Variants in ATP9A observed in about 807,000 individuals in gnomAD.
ATP9A encodes the protein ATPase phospholipid transporting 9A, also known as probable phospholipid-transporting ATPase IIA.
Under a neutral mutation model 144.1 loss-of-function variants are expected in ATP9A, and 52 were observed. The observed-to-expected ratio is 0.36, with a 90% CI of 0.29 to 0.45. ATP9A has a LOEUF of 0.45. ATP9A is among the 20% of genes least tolerant of loss of function. The pLI, the probability that ATP9A is intolerant of heterozygous loss-of-function variation, is 1.00. For missense variants in ATP9A, 947 were observed against 1,392.7 expected, an observed-to-expected ratio of 0.68 and a Z score of 5.09; for synonymous variants, 582 against 557.4, an observed-to-expected ratio of 1.04 and a Z score of -0.62.
At chr20:51,730,265 G>C (rs543665713) in intron 1 of ATP9A, among the ~76,000 whole-genome samples, 1 of 152,066 alleles carries the variant, frequency 6.6e-6, no homozygotes, top group Admixed American at 6.6e-5. Flanking sequence ...TCAAGAGATC[G>C]AGACCATCCT....
Position 51,639,506 on chromosome 20 carries a change from TA to T in ATP9A, c.1507-3del. ...TTCCGTCCACTGTACCAGGGCCACCTAAACATAACACAGGGTCGAAGGTCAG... is the reference window on the plus strand; with the variant it reads ...TTCCGTCCACTGTACCAGGGCCACCTAACATAACACAGGGTCGAAGGTCAG... On this transcript the variant is annotated splice_polypyrimidine_tract_variant and splice_region_variant and intron_variant, in intron 14 of 27. Transcript: ENST00000338821. 6.2e-7 allele frequency: 1 copy of T among 1,607,228 alleles called. No homozygotes were observed. The highest frequency in any genetic ancestry group is 8.5e-7 in the Non-Finnish European group (1 of 1,177,446).
chr20:51,713,055 G>C lies in ATP9A; in HGVS notation c.347C>G (p.Thr116Ser), dbSNP rs746197482. 26 of 1,611,800 alleles carry C rather than the reference G, an allele frequency of 1.6e-5. No individual in the cohort carries two copies. Among genetic ancestry groups the C allele is most frequent in the Non-Finnish European group, 2.2e-5 (26 of 1,179,154 alleles). Reference protein sequence around the residue: ...WVPLGFVLAVTVIREAVEEIR... With the variant: ...WVPLGFVLAVSVIREAVEEIR... The stretch of plus-strand genomic sequence containing the variant: ...CTCCTCCACCGCCTCACGGATGACA[G>C]TGACGGCCAGCACGAAGCCCTGCAG... Residue 116 changes from threonine to serine, a missense_variant, in exon 4 of 28, where the codon ACT becomes AGT. Transcript: ENST00000338821.
rs918590321 is a variant in ATP9A at position 51,699,265 on chromosome 20, G to A, written c.437-1783C>T. 6.7e-5 allele frequency among the ~76,000 whole-genome samples: 10 copies of A among 150,356 alleles called. No individual in the cohort carries two copies. In the East Asian group the frequency reaches 1.2e-3, roughly 18 times the overall value. On this transcript the variant is annotated intron_variant, in intron 4 of 27. Coordinates refer to ENST00000338821, the MANE Select transcript of ATP9A (RefSeq NM_006045.3). The stretch of plus-strand genomic sequence containing the variant: ...GGAGAATCGCTTGAACCCGGGAGGT[G>A]GAGGTTGCAGTGAGCCAAGATCTCA...
chr20:51,738,029 ATT>A (rs11321391), intron 1 of ATP9A, among the ~76,000 whole-genome samples: 58 of 137,750 alleles, frequency 4.2e-4, no homozygotes, highest in Non-Finnish European at 4.9e-4. Context: ...CCTCTAAAAC[ATT>A]TTTTTTTTTT....
At chr20:51,723,666 C>T (rs953649211) in intron 3 of ATP9A, among the ~76,000 whole-genome samples, 5 of 150,238 alleles carry the variant, frequency 3.3e-5, no homozygotes, top group African/African-American at 1.2e-4. Flanking sequence ...AAGCGATTCT[C>T]CTGCCTCAGT....
chr20:51,703,703 C>T (rs1323491066), intron 4 of ATP9A, among the ~76,000 whole-genome samples: 2 of 152,142 alleles, frequency 1.3e-5, no homozygotes, highest in African/African-American at 2.4e-5. Context: ...TGAGTCGAAA[C>T]AAGCAAATGA....
At chr20:51,685,863 T>C (rs2077520887) in intron 9 of ATP9A, among the ~76,000 whole-genome samples, 2 of 152,342 alleles carry the variant, frequency 1.3e-5, no homozygotes, top group South Asian at 4.1e-4. Flanking sequence ...ATCCCATTAC[T>C]GGGTATATAC....
chr20:51,715,582 T>A (rs770585943), intron 3 of ATP9A, among the ~76,000 whole-genome samples: 14 of 152,144 alleles, frequency 9.2e-5, no homozygotes, highest in Non-Finnish European at 7.4e-5. Context: ...CTCACTAACC[T>A]CCCTGCTGCA....
At chr20:51,704,408 G>T (rs1313837154) in intron 4 of ATP9A, among the ~76,000 whole-genome samples, 1 of 151,732 alleles carries the variant, frequency 6.6e-6, no homozygotes, top group Non-Finnish European at 1.5e-5. Flanking sequence ...TTAAACAATA[G>T]ATCAGTTCAC....
At chr20:51,669,368 T>G (rs1362480955) in intron 13 of ATP9A, among the ~76,000 whole-genome samples, 1 of 152,240 alleles carries the variant, frequency 6.6e-6, no homozygotes, top group Non-Finnish European at 1.5e-5. Context: ...TGACTGGTTT[T>G]GGGAAACTTG....
chr20:51,701,408 A>G (rs2077592740), intron 4 of ATP9A, among the ~76,000 whole-genome samples: 1 of 152,224 alleles, frequency 6.6e-6, no homozygotes, highest in South Asian at 2.1e-4. Context: ...GAAAAAAATA[A>G]TAATTAAAAT....
At chr20:51,756,714 T>A (rs576167244) in intron 1 of ATP9A, among the ~76,000 whole-genome samples, 17 of 152,300 alleles carry the variant, frequency 1.1e-4, no homozygotes, top group Non-Finnish European at 2.2e-4. Flanking sequence ...TGCAGTCACA[T>A]TCTGAGGTGC....
At chr20:51,676,101 C>T (rs369607315) in intron 10 of ATP9A, 31 bp downstream of exon 10, 24 of 1,567,122 alleles carry the variant, frequency 1.5e-5, no homozygotes, top group African/African-American at 1.2e-4. Flanking sequence ...AGCCCACAGC[C>T]GGTCAATGTA....
intron 4 of ATP9A, among the ~76,000 whole-genome samples, chr20:51,712,234 G>A (rs4809864): frequency 0.22 from 33,766 of 151,796 alleles, 4,368 homozygotes; most frequent in East Asian, 0.45. Flanking sequence ...CACCATGCCC[G>A]GCTAATTTTT....
At chr20:51,654,998 AT>A in intron 14 of ATP9A, among the ~76,000 whole-genome samples, 1 of 152,212 alleles carries the variant, frequency 6.6e-6, no homozygotes, top group East Asian at 1.9e-4. Flanking sequence ...TATCTCTTGA[AT>A]TCATAAACCC....
chr20:51,608,678 T>C (rs951130820), intron 24 of ATP9A, 52 bp from the exon 25 acceptor site: 8 of 1,180,262 alleles, frequency 6.8e-6, no homozygotes, highest in Admixed American at 5.1e-5. Context: ...ATAGGAGCTA[T>C]GTGCTGTGCC....
chr20:51,718,743 A>G (rs1430246967), intron 3 of ATP9A, among the ~76,000 whole-genome samples: 1 of 143,532 alleles, frequency 7.0e-6, no homozygotes, highest in Admixed American at 7.3e-5. Flanking sequence ...TGAGCCTGGG[A>G]AGCGGAGGTT....
At chr20:51,657,247 T>C in intron 13 of ATP9A, 97 bp from the exon 14 acceptor site, 2 of 984,636 alleles carry the variant, frequency 2.0e-6, no homozygotes, top group South Asian at 1.5e-5. Flanking sequence ...TTTTTTCTAC[T>C]GTTCCAACAC....
At chr20:51,665,672 CAAGA>C in intron 13 of ATP9A, among the ~76,000 whole-genome samples, 1 of 149,184 alleles carries the variant, frequency 6.7e-6, no homozygotes. Context: ...TGTGGTAAGC[CAAGA>C]TAGCACCACT....
Sources: gnomAD v4.1 joint callset for allele counts (sites outside exome capture counted in the v4.1 genomes callset) on GRCh38, gnomAD v4.1.1 for gene constraint, MANE v1.5 for transcripts, NCBI Gene and HGNC (gene_info 2026-07-23, HGNC 2026-07-21) for gene names.